The following HSF5 variants were observed in gnomAD, a reference collection of about 807,000 sequenced individuals.
HSF5 encodes heat shock factor protein 5.
A neutral mutation model predicts 50.8 loss-of-function variants in HSF5; 5 were observed. That is an observed-to-expected ratio of 0.10 (90% CI 0.05 to 0.21). The LOEUF (loss-of-function observed/expected upper bound fraction) is 0.21, where lower values mean the gene tolerates loss of function less well. Ranked by LOEUF, HSF5 falls within the 10% of genes least tolerant of loss-of-function variation. HSF5 has a pLI of 1.00. For missense variants in HSF5, 564 were observed against 762.6 expected, an observed-to-expected ratio of 0.74 and a Z score of 3.07; for synonymous variants, 307 against 307.4, an observed-to-expected ratio of 1.00 and a Z score of 0.02.
chr17:58,479,646 A>G (rs1975071788), intron 2 of HSF5, among the ~76,000 whole-genome samples: 1 of 152,152 alleles, frequency 6.6e-6, no homozygotes, highest in Non-Finnish European at 1.5e-5. Context: ...CATATTTTGA[A>G]TATACAAGTT....
intron 1 of HSF5, among the ~76,000 whole-genome samples, chr17:58,484,945 ATTTTTTTTTTT>A (rs143908081): frequency 3.1e-5 from 2 of 65,136 alleles, no homozygotes; most frequent in African/African-American, 1.3e-4. Flanking sequence ...AATAACCCAG[ATTTTTTTTTTT>A]TTTTTTTTTT....
At chr17:58,477,594 G>A (rs1975034389) in intron 2 of HSF5, among the ~76,000 whole-genome samples, 1 of 151,822 alleles carries the variant, frequency 6.6e-6, no homozygotes, top group Admixed American at 6.6e-5. Context: ...CCAGTAGCTG[G>A]GACTACAGGT....
chr17:58,428,726 A>T (rs568559224), intron 5 of HSF5, among the ~76,000 whole-genome samples: 15 of 152,024 alleles, frequency 9.9e-5, no homozygotes, highest in Admixed American at 1.3e-4. Context: ...AATAATTTTT[A>T]AAAAAGGAAA....
At chr17:58,464,966 C>T (rs1974841759) in intron 3 of HSF5, among the ~76,000 whole-genome samples, 1 of 149,076 alleles carries the variant, frequency 6.7e-6, no homozygotes, top group African/African-American at 2.5e-5. Context: ...GACAGGGTCT[C>T]ACTGTGTTGC....
chr17:58,484,678 A>C, intron 1 of HSF5, among the ~76,000 whole-genome samples: 1 of 152,200 alleles, frequency 6.6e-6, no homozygotes, highest in East Asian at 1.9e-4. Flanking sequence ...TTCCCTACCA[A>C]AATCAATGGC....
chr17:58,481,575 G>A (rs1337946556), intron 1 of HSF5, among the ~76,000 whole-genome samples: 3 of 152,188 alleles, frequency 2.0e-5, no homozygotes, highest in Non-Finnish European at 4.4e-5. Context: ...AACTTATTAT[G>A]TGCTACTCAA....
At chr17:58,442,023 A>C (rs1272062528) in intron 5 of HSF5, among the ~76,000 whole-genome samples, 1 of 152,188 alleles carries the variant, frequency 6.6e-6, no homozygotes, top group Non-Finnish European at 1.5e-5. Context: ...ATTTCATAAT[A>C]CTCAAGAGAT....
intron 5 of HSF5, among the ~76,000 whole-genome samples, chr17:58,431,812 G>C (rs1303873274): frequency 1.3e-5 from 2 of 152,160 alleles, no homozygotes; most frequent in Non-Finnish European, 2.9e-5. Flanking sequence ...AGGGTGGTTT[G>C]ACTTCCCAAA....
chr17:58,466,906 A>G lies in HSF5; in HGVS notation c.999T>C (p.Tyr333=), dbSNP rs73317777. The change falls in exon 3 of 6, where the codon TAT becomes TAC. Residue 333 remains tyrosine, a synonymous_variant. Coordinates refer to ENST00000323777, the MANE Select transcript of HSF5 (RefSeq NM_001080439.3). ...TTACCTGGAAGTAGTTGCAGTGTGC[A>G]TAGGAAGAGGCAGTGGGAGTGACAC... is the stretch of plus-strand genomic sequence containing the variant. ...SSCVTPTASS[Y]AHCNYFQNPS... 1.9e-3 allele frequency: 3,006 copies of G among 1,604,684 alleles called. 50 individuals are homozygous for G. The African/African-American group carries it at 0.034, about 18-fold the overall frequency.
chr17:58,421,241 G>T lies in HSF5; in HGVS notation c.*1119C>A, dbSNP rs1434743386. The T allele has an allele frequency of 6.6e-6, 1 of 152,534 alleles. No individual in the cohort carries two copies. The highest frequency in any genetic ancestry group is 1.5e-5 in the Non-Finnish European group (1 of 68,012). 9.4% of individuals were successfully genotyped at this position (152,534 alleles called of 1,614,324 possible). ...CCTGTAACAGGGATAAGAAAAAAAT[G>T]TTACCATCTATCCCATTATCCAAAA... is the stretch of plus-strand genomic sequence containing the variant. On this transcript the variant is annotated 3_prime_UTR_variant, in exon 6 of 6. Coordinates refer to ENST00000323777, the MANE Select transcript of HSF5 (RefSeq NM_001080439.3).
Position 58,466,983 on chromosome 17 carries a change from G to A in HSF5, c.926-4C>T, listed in dbSNP as rs774223143. Reference sequence around the variant, plus strand: ...GGAGAACAGCACTGTAGCACAGCTGGAACAAATTCAAACACAGAAAAGCCA... The same window carrying A: ...GGAGAACAGCACTGTAGCACAGCTGAAACAAATTCAAACACAGAAAAGCCA... On this transcript the variant is annotated splice_polypyrimidine_tract_variant and splice_region_variant and intron_variant, in intron 2 of 5. Transcript: ENST00000323777. The A allele has an allele frequency of 6.3e-7, 1 of 1,594,558 alleles. No individual in the cohort carries two copies. The highest frequency in any genetic ancestry group is 8.6e-7 in the Non-Finnish European group (1 of 1,162,694).
chr17:58,451,697 G>C (rs779391984), intron 5 of HSF5, among the ~76,000 whole-genome samples: 1 of 152,036 alleles, frequency 6.6e-6, no homozygotes, highest in African/African-American at 2.4e-5. Flanking sequence ...GCTGTCCTAC[G>C]AGGGAAGTTT....
At chr17:58,478,982 T>A (rs925874598) in intron 2 of HSF5, among the ~76,000 whole-genome samples, 6 of 151,714 alleles carry the variant, frequency 4.0e-5, no homozygotes, top group Non-Finnish European at 8.8e-5. Context: ...TGGCTTGGGA[T>A]CTACCAGCGT....
chr17:58,447,697 G>T (rs1205519758), intron 5 of HSF5, among the ~76,000 whole-genome samples: 1 of 152,126 alleles, frequency 6.6e-6, no homozygotes, highest in Admixed American at 6.5e-5. Context: ...CTGCTGAGTG[G>T]TTACAGTGAC....
intron 5 of HSF5, 87 bp from the exon 6 acceptor site, chr17:58,422,517 T>C (rs1974240508): frequency 3.1e-6 from 3 of 956,400 alleles, no homozygotes; most frequent in South Asian, 3.0e-5. Flanking sequence ...AAGTTGTCTA[T>C]GTCTCACCTG....
At chr17:58,460,510 C>CACACAT (rs61690847) in intron 4 of HSF5, among the ~76,000 whole-genome samples, 24,748 of 136,932 alleles carry the variant, frequency 0.18, 2,384 homozygotes, top group Non-Finnish European at 0.21. Flanking sequence ...CACACACACA[C>CACACAT]ATACTTTTTT....
At chr17:58,456,239 A>G (rs1974712238) in intron 5 of HSF5, among the ~76,000 whole-genome samples, 1 of 152,130 alleles carries the variant, frequency 6.6e-6, no homozygotes, top group African/African-American at 2.4e-5. Context: ...GCCATAAAAC[A>G]GAATGAAATC....
chr17:58,441,271 T>C (rs960861987), intron 5 of HSF5, among the ~76,000 whole-genome samples: 2 of 152,232 alleles, frequency 1.3e-5, no homozygotes, highest in South Asian at 2.1e-4. Context: ...AATCTAAAAA[T>C]GCATGAATCA....
chr17:58,465,994 A>T (rs1326193902), intron 3 of HSF5, among the ~76,000 whole-genome samples: 3 of 152,188 alleles, frequency 2.0e-5, no homozygotes. Flanking sequence ...CACTTAACAC[A>T]AACTTTGTTT....
Sources: gnomAD v4.1 joint callset for allele counts (sites outside exome capture counted in the v4.1 genomes callset) on GRCh38, gnomAD v4.1.1 for gene constraint, MANE v1.5 for transcripts, NCBI Gene and HGNC (gene_info 2026-07-23, HGNC 2026-07-21) for gene names.